TTK: variants seen among roughly 807,000 people sequenced by gnomAD.
TTK encodes dual specificity protein kinase TTK.
Under a neutral mutation model 117.3 loss-of-function variants are expected in TTK, and 59 were observed. That is an observed-to-expected ratio of 0.50 (90% CI 0.41 to 0.62). TTK has a LOEUF of 0.62. Ranked by LOEUF, TTK falls within the 20% of genes least tolerant of loss-of-function variation. TTK has a pLI of 0.00. For synonymous variants in TTK, 302 were observed against 325.0 expected, an observed-to-expected ratio of 0.93 and a Z score of 0.76; for missense variants, 921 against 989.4, an observed-to-expected ratio of 0.93 and a Z score of 0.93.
chr6:80,026,099 G>A (rs1767597385), intron 11 of TTK, among the ~76,000 whole-genome samples: 1 of 152,036 alleles, frequency 6.6e-6, no homozygotes, highest in South Asian at 2.1e-4. Flanking sequence ...TAGCTCTGAT[G>A]GAAGAGAATG....
At chr6:80,015,993 A>G (rs1767296590) in intron 10 of TTK, among the ~76,000 whole-genome samples, 1 of 152,338 alleles carries the variant, frequency 6.6e-6, no homozygotes, top group South Asian at 2.1e-4. Flanking sequence ...ACAGAATGAA[A>G]TAATACAGTG....
chr6:80,031,804 CTTTAATA>C (rs1261448578), intron 14 of TTK, among the ~76,000 whole-genome samples: 1 of 152,016 alleles, frequency 6.6e-6, no homozygotes, highest in Non-Finnish European at 1.5e-5. Context: ...TAAACTTCTT[CTTTAATA>C]ACAAAAACAT....
intron 13 of TTK, among the ~76,000 whole-genome samples, chr6:80,030,534 T>A (rs754911259): frequency 3.2e-4 from 49 of 152,294 alleles, no homozygotes; most frequent in Admixed American, 9.8e-4. Flanking sequence ...CTGGTTGGCT[T>A]CTGGGGAGGC....
chr6:80,036,929 G>A (rs952175611), intron 17 of TTK, among the ~76,000 whole-genome samples: 1 of 152,040 alleles, frequency 6.6e-6, no homozygotes, highest in African/African-American at 2.4e-5. Flanking sequence ...CAAAGAGGGA[G>A]TTGCAGTTAT....
At chr6:80,020,870 C>T (rs1026937440) in intron 10 of TTK, among the ~76,000 whole-genome samples, 1 of 152,216 alleles carries the variant, frequency 6.6e-6, no homozygotes, top group Admixed American at 6.5e-5. Flanking sequence ...TAACGCTAAA[C>T]AGAGACACAA....
At chr6:80,041,151 C>G (rs998294687) in intron 21 of TTK, among the ~76,000 whole-genome samples, 1 of 151,676 alleles carries the variant, frequency 6.6e-6, no homozygotes. Flanking sequence ...TTCCCAATGT[C>G]CATTTATATC....
intron 11 of TTK, among the ~76,000 whole-genome samples, chr6:80,024,929 C>T (rs1562019311): frequency 6.6e-6 from 1 of 152,192 alleles, no homozygotes. Flanking sequence ...ACTCTCATCT[C>T]TGAATGTCCT....
At chr6:80,019,968 A>G (rs1767414083) in intron 10 of TTK, among the ~76,000 whole-genome samples, 1 of 152,222 alleles carries the variant, frequency 6.6e-6, no homozygotes, top group Non-Finnish European at 1.5e-5. Context: ...GAACTTGAAA[A>G]GCATTAGGAC....
chr6:80,040,131 A>G, intron 19 of TTK, 65 bp from the exon 20 acceptor site: 1 of 1,244,612 alleles, frequency 8.0e-7, no homozygotes, highest in South Asian at 1.8e-5. Flanking sequence ...CTGGAAAAAT[A>G]CTTTATCAAT....
At chr6:80,026,650 C>T (rs1488782067) in intron 12 of TTK, 136 bp downstream of exon 12, 40 of 1,285,730 alleles carry the variant, frequency 3.1e-5, no homozygotes, top group Non-Finnish European at 4.1e-5. Context: ...ATTTTTTCAG[C>T]ATCAGTGTTT....
At chr6:80,010,592 A>G (rs1767115947) in intron 4 of TTK, among the ~76,000 whole-genome samples, 1 of 151,798 alleles carries the variant, frequency 6.6e-6, no homozygotes, top group Non-Finnish European at 1.5e-5. Context: ...TTGCAAGGAA[A>G]CTATTTGGTA....
At chr6:80,032,985 G>A (rs1246137395) in intron 14 of TTK, among the ~76,000 whole-genome samples, 1 of 151,994 alleles carries the variant, frequency 6.6e-6, no homozygotes. Flanking sequence ...GAGAACATTA[G>A]CAATTGACTC....
In TTK at chr6:80,041,940, GC is replaced by G. The variant is rs560298476; in HGVS notation, c.2491-177del. 3.2e-4 allele frequency among the ~76,000 whole-genome samples: 49 copies of G among 151,670 alleles called. 1 individual carries two copies. Among genetic ancestry groups the G allele is most frequent in the Non-Finnish European group, 7.4e-5 (5 of 67,680 alleles). On this transcript the variant is annotated intron_variant, in intron 21 of 21. Transcript: ENST00000369798. ...TATCTCATGATAGGTAATGCTTAAG[GC>G]CAAGCTTCGTGTTTAAAATTCTTTA... is the stretch of plus-strand genomic sequence containing the variant.
At chr6:80,033,789 T>C (rs1249910825) in intron 14 of TTK, among the ~76,000 whole-genome samples, 2 of 152,216 alleles carry the variant, frequency 1.3e-5, no homozygotes, top group East Asian at 3.8e-4. Flanking sequence ...TCAATAAATA[T>C]TGGTTTCATT....
rs1767533246 is a variant in TTK, at chr6:80,023,820, C to CT, written c.1257+1350dup. ...ATGTCATACAGTCTCTGGAAAACTC[C>CT]TTATATACTCATGAGAAAATAAAAG... On this transcript the variant is annotated intron_variant, in intron 11 of 21. Coordinates refer to ENST00000369798, the MANE Select transcript of TTK (RefSeq NM_003318.5). Among the ~76,000 whole-genome samples the CT allele has an allele frequency of 2.0e-5, 3 of 152,194 alleles. No homozygotes were observed. In the South Asian group the frequency reaches 6.2e-4, roughly 32 times the overall value.
chr6:80,006,519 G>A (rs919081718), intron 2 of TTK, among the ~76,000 whole-genome samples: 1 of 152,046 alleles, frequency 6.6e-6, no homozygotes, highest in African/African-American at 2.4e-5. Context: ...GTACATCAAG[G>A]CAATTGAGTA....
chr6:80,038,124 A>T, intron 18 of TTK, 77 bp downstream of exon 18: 1 of 1,044,736 alleles, frequency 9.6e-7, no homozygotes, highest in Non-Finnish European at 1.4e-6. Context: ...AACTTACCAG[A>T]TAACAATTTC....
chr6:80,022,530 TTGA>T, intron 11 of TTK, 58 bp downstream of exon 11: 1 of 1,528,246 alleles, frequency 6.5e-7, no homozygotes, highest in Non-Finnish European at 8.9e-7. Flanking sequence ...TTTCCGAAGG[TTGA>T]TGATCATATT....
intron 11 of TTK, among the ~76,000 whole-genome samples, chr6:80,023,420 T>C (rs552143431): frequency 1.8e-4 from 27 of 152,176 alleles, no homozygotes; most frequent in East Asian, 9.7e-4. Flanking sequence ...GGTGAAACCC[T>C]GTCTCTACTA....
Sources: gnomAD v4.1 joint callset for allele counts (sites outside exome capture counted in the v4.1 genomes callset) on GRCh38, gnomAD v4.1.1 for gene constraint, MANE v1.5 for transcripts, NCBI Gene and HGNC (gene_info 2026-07-23, HGNC 2026-07-21) for gene names.